Variants in UBE2Q1 observed in about 807,000 individuals in gnomAD.
UBE2Q1 encodes the protein ubiquitin conjugating enzyme E2 Q1, also known as ubiquitin-conjugating enzyme E2 Q1.
Under a neutral mutation model 60.1 loss-of-function variants are expected in UBE2Q1, and 6 were observed. The ratio of observed to expected loss-of-function variants is 0.10; its 90% CI spans 0.05 to 0.20. The LOEUF is 0.20. Among genes scored for constraint, UBE2Q1 ranks in the 10% least tolerant of loss-of-function variants. UBE2Q1 has a pLI of 1.00. For synonymous variants in UBE2Q1, 226 were observed against 208.3 expected (o/e 1.09, Z -0.73); for missense variants, 262 against 525.8 (o/e 0.50, Z 4.91).
intron 1 of UBE2Q1, among the ~76,000 whole-genome samples, chr1:154,556,958 A>G (rs1172689612): frequency 6.6e-6 from 1 of 152,198 alleles, no homozygotes; most frequent in Non-Finnish European, 1.5e-5. Context: ...CTAATCCTCA[A>G]TGCTGGAGGA....
chr1:154,557,428 G>C (rs1019183822), intron 1 of UBE2Q1, among the ~76,000 whole-genome samples: 2 of 152,240 alleles, frequency 1.3e-5, no homozygotes, highest in Non-Finnish European at 2.9e-5. Context: ...CCAGGCAGGA[G>C]ACATGTAAGG....
chr1:154,558,099 G>A (rs1040558005), intron 1 of UBE2Q1, 128 bp downstream of exon 1: 4 of 700,832 alleles, frequency 5.7e-6, no homozygotes, highest in Non-Finnish European at 6.8e-6. Context: ...ATGTAACCTG[G>A]AGAGAAAGAA....
rs1278184666 is a variant in UBE2Q1, at chr1:154,549,129, A to G, written c.*1309T>C. On this transcript the variant is annotated 3_prime_UTR_variant, in exon 13 of 13. Transcript: ENST00000292211. ...TAGGTCCTAAGAGGCTGAGTCCCAGAGCAAGCTTACAGACAAAGAGATGCA... is the reference window on the plus strand; with the variant it reads ...TAGGTCCTAAGAGGCTGAGTCCCAGGGCAAGCTTACAGACAAAGAGATGCA... The G allele has an allele frequency of 6.6e-6, 1 of 152,266 alleles. No individual in the cohort carries two copies. The highest frequency in any genetic ancestry group is 2.4e-5 in the African/African-American group (1 of 41,454). 9.4% of individuals were successfully genotyped at this position (152,266 alleles called of 1,614,324 possible). A position where few individuals can be genotyped will look rare whatever the true frequency, so the allele number is the denominator to read the frequency against.
intron 10 of UBE2Q1, 105 bp from the exon 11 acceptor site, chr1:154,551,597 C>T: frequency 6.8e-7 from 1 of 1,462,326 alleles, no homozygotes; most frequent in East Asian, 2.3e-5. Context: ...GGGCCCTTGC[C>T]CTTTGCCCCC....
intron 10 of UBE2Q1, 96 bp from the exon 11 acceptor site, chr1:154,551,588 G>A: frequency 6.8e-7 from 1 of 1,480,886 alleles, no homozygotes; most frequent in Non-Finnish European, 9.4e-7. Flanking sequence ...TCTATAGGAG[G>A]GCCCTTGCCC....
At position 154,552,445 on chromosome 1, in the gene UBE2Q1, G is replaced by A. The variant is rs370466044; in HGVS notation, c.834C>T (p.Leu278=). 263 of 1,614,114 alleles carry A rather than the reference G, an allele frequency of 1.6e-4. No homozygotes were observed. Among genetic ancestry groups the A allele is most frequent in the Non-Finnish European group, 2.1e-4 (244 of 1,180,050 alleles). Residue 278 remains leucine, a synonymous_variant, in exon 7 of 13, where the codon CTC becomes CTT. Coordinates refer to ENST00000292211, the MANE Select transcript of UBE2Q1 (RefSeq NM_017582.7). ...SFKGGNYAVE[L]VNDSLYDWNV... ...TCCAATCATACAGACTGTCATTCAC[G>A]AGTTCGACTGCATAGTTTCCTGGAA...
chr1:154,552,994 C>G (rs1285460621), intron 5 of UBE2Q1, 38 bp downstream of exon 5: 1 of 1,610,870 alleles, frequency 6.2e-7, no homozygotes, highest in East Asian at 2.2e-5. Context: ...CCATTTCCCA[C>G]CAACCCCTTC....
At chr1:154,556,340 C>T (rs1695888125) in intron 1 of UBE2Q1, among the ~76,000 whole-genome samples, 1 of 152,182 alleles carries the variant, frequency 6.6e-6, no homozygotes, top group Non-Finnish European at 1.5e-5. Flanking sequence ...AACAGTCCTC[C>T]AAGCTTGCTT....
At chr1:154,551,520 A>T in intron 10 of UBE2Q1, 28 bp from the exon 11 acceptor site, 2 of 1,608,804 alleles carry the variant, frequency 1.2e-6, no homozygotes, top group Non-Finnish European at 1.7e-6. Context: ...CAAGGCAAGC[A>T]GGTCCAGATG....
At position 154,558,443 on chromosome 1, in the gene UBE2Q1, C is replaced by A. The variant is rs1314159373; in HGVS notation, c.111G>T (p.Pro37=). The change falls in exon 1 of 13, where the codon CCG becomes CCT. Residue 37 remains proline, a synonymous_variant. Coordinates refer to ENST00000292211, the MANE Select transcript of UBE2Q1 (RefSeq NM_017582.7). ...TCAGCTCTCGCCTCAGGCAGGGCCCCGGCCCCGGGCCCCCCCCTGGGCCGC... is the reference window on the plus strand; with the variant it reads ...TCAGCTCTCGCCTCAGGCAGGGCCCAGGCCCCGGGCCCCCCCCTGGGCCGC... ...AGGGPGGGPG[P]GPCLRRELKL... The A allele has an allele frequency of 4.7e-6, 7 of 1,475,856 alleles. No individual in the cohort carries two copies. The highest frequency in any genetic ancestry group is 1.5e-5 in the African/African-American group (1 of 68,116). 91.4% of individuals were successfully genotyped at this position (1,475,856 alleles called of 1,614,324 possible). A position where few individuals can be genotyped will look rare whatever the true frequency, so the allele number is the denominator to read the frequency against.
At chr1:154,552,351 C>A in intron 7 of UBE2Q1, 53 bp downstream of exon 7, 1 of 1,608,122 alleles carries the variant, frequency 6.2e-7, no homozygotes, top group Non-Finnish European at 8.5e-7. Context: ...ACCACAGTAG[C>A]CCCACTCACA....
intron 3 of UBE2Q1, 187 bp from the exon 4 acceptor site, chr1:154,554,972 AT>A: frequency 1.7e-6 from 1 of 596,400 alleles, no homozygotes. Flanking sequence ...CCAGCCCATT[AT>A]TTTTCGCCTA....
intron 1 of UBE2Q1, 34 bp downstream of exon 1, chr1:154,558,193 G>A: frequency 6.8e-7 from 1 of 1,473,200 alleles, no homozygotes; most frequent in South Asian, 1.4e-5. Flanking sequence ...CTGACAAGGG[G>A]CCCCCACAGA....
intron 2 of UBE2Q1, 55 bp downstream of exon 2, chr1:154,555,805 T>C: frequency 6.6e-7 from 1 of 1,516,356 alleles, no homozygotes; most frequent in Non-Finnish European, 9.2e-7. Flanking sequence ...CAGGATGCCT[T>C]TGTGGCATGG....
rs570916116 is a variant in UBE2Q1, at chr1:154,554,238, A to G, written c.588+497T>C. On this transcript the variant is annotated intron_variant, in intron 4 of 12. Transcript: ENST00000292211. ...GCTAAGATTCAGTCAAGTTCTGTCT[A>G]GCTCTAAAGCTCAAATTCCTAACCA... Among the ~76,000 whole-genome samples, 5 of 152,350 alleles carry G rather than the reference A, an allele frequency of 3.3e-5. No individual in the cohort carries two copies. The South Asian group carries it at 8.3e-4, about 25-fold the overall frequency.
intron 1 of UBE2Q1, among the ~76,000 whole-genome samples, chr1:154,557,443 T>A (rs959702233): frequency 6.6e-6 from 1 of 152,216 alleles, no homozygotes; most frequent in Non-Finnish European, 1.5e-5. Context: ...GTAAGGTGTA[T>A]GCCTAGGATG....
chr1:154,550,741 A>G (rs1695778660), intron 12 of UBE2Q1, 197 bp downstream of exon 12: 15 of 985,382 alleles, frequency 1.5e-5, no homozygotes, highest in Non-Finnish European at 1.8e-5. Flanking sequence ...CGGTGATACG[A>G]TCATTTTGGT....
At position 154,554,719 on chromosome 1, in the gene UBE2Q1, CAG is replaced by C. The variant is rs780139012; in HGVS notation, c.588+14_588+15del. ...CAAGAGCTTCCAGCCAATGCCACCT[CAG>C]GGGGCAAGCCTACCTCAGGCATCTC... is the stretch of plus-strand genomic sequence containing the variant. On this transcript the variant is annotated intron_variant, in intron 4 of 12. Coordinates refer to ENST00000292211, the MANE Select transcript of UBE2Q1 (RefSeq NM_017582.7). The C allele has an allele frequency of 4.3e-6, 7 of 1,612,996 alleles. No individual in the cohort carries two copies. Among genetic ancestry groups the C allele is most frequent in the African/African-American group, 2.7e-5 (2 of 75,024 alleles).
rs41314557 is a variant in UBE2Q1, at chr1:154,550,875, C to T, written c.1237+63G>A. The T allele has an allele frequency of 5.8e-4, 941 of 1,613,238 alleles. 7 individuals carry two copies. In the East Asian group the frequency reaches 0.018, roughly 32 times the overall value. On this transcript the variant is annotated intron_variant, in intron 12 of 12. Coordinates refer to ENST00000292211, the MANE Select transcript of UBE2Q1 (RefSeq NM_017582.7). ...AAAAGAAGGGGTTCTTGCTCTGTGG[C>T]TGGAAGTGAAAACCTGGGTGTGGCA...
Sources: gnomAD v4.1 joint callset for allele counts (sites outside exome capture counted in the v4.1 genomes callset) on GRCh38, gnomAD v4.1.1 for gene constraint, MANE v1.5 for transcripts, NCBI Gene and HGNC (gene_info 2026-07-23, HGNC 2026-07-21) for gene names.